The following PRKACB variants were observed in gnomAD, a reference collection of about 807,000 sequenced individuals.
PRKACB encodes cAMP-dependent protein kinase catalytic subunit beta.
PRKACB carries 16 observed loss-of-function variants against 51.4 expected under a neutral mutation model. That is an observed-to-expected ratio of 0.31 (90% CI 0.21 to 0.47). The LOEUF (loss-of-function observed/expected upper bound fraction) is 0.47. Among genes scored for constraint, PRKACB ranks in the 20% least tolerant of loss-of-function variants. The probability of loss-of-function intolerance (pLI) is 1.00; values close to 1 mark genes in which losing one functional copy is unlikely to be tolerated. For synonymous variants in PRKACB, 147 were observed against 154.4 expected (o/e 0.95, Z 0.35); for missense variants, 309 against 464.5 (o/e 0.67, Z 3.08).
upstream of PRKACB, among the ~76,000 whole-genome samples, chr1:84,141,833 G>A (rs919898715): frequency 2.0e-5 from 3 of 152,202 alleles, no homozygotes; most frequent in African/African-American, 7.2e-5. Flanking sequence ...AGGTTAATAT[G>A]TCAGAGAGGT....
intron 1 of PRKACB, among the ~76,000 whole-genome samples, chr1:84,094,524 G>A (rs1648771743): frequency 6.6e-6 from 1 of 151,638 alleles, no homozygotes; most frequent in Admixed American, 6.6e-5. Flanking sequence ...TCAAATATTT[G>A]GGGGTTTTTA....
intron 1 of PRKACB, among the ~76,000 whole-genome samples, chr1:84,127,004 A>G (rs1228863396): frequency 6.6e-6 from 1 of 152,166 alleles, no homozygotes; most frequent in African/African-American, 2.4e-5. Context: ...TCCTGAATCC[A>G]TTCTCTTCCT....
intron 9 of PRKACB, among the ~76,000 whole-genome samples, chr1:84,231,253 G>C (rs989732347): frequency 3.2e-4 from 49 of 152,178 alleles, no homozygotes; most frequent in African/African-American, 1.2e-3. Context: ...AACCAGCCTT[G>C]CATCCCAGGG....
chr1:84,175,110 T>C, intron 1 of PRKACB: 2 of 1,359,400 alleles, frequency 1.5e-6, no homozygotes, highest in Non-Finnish European at 1.9e-6. Context: ...TTTTTATTTA[T>C]TGTTTGCAAG....
At chr1:84,093,513 T>C (rs1648683190) in intron 1 of PRKACB, among the ~76,000 whole-genome samples, 1 of 152,084 alleles carries the variant, frequency 6.6e-6, no homozygotes, top group African/African-American at 2.4e-5. Context: ...TGAATTCATA[T>C]AACTTTATAA....
chr1:84,109,723 A>AT (rs1018171482), intron 1 of PRKACB, among the ~76,000 whole-genome samples: 3 of 151,570 alleles, frequency 2.0e-5, no homozygotes, highest in Admixed American at 6.6e-5. Flanking sequence ...TTTACTTTAA[A>AT]TTTTTTTTAT....
intron 5 of PRKACB, among the ~76,000 whole-genome samples, chr1:84,195,056 G>C (rs527838497): frequency 1.3e-5 from 2 of 152,074 alleles, no homozygotes; most frequent in African/African-American, 4.8e-5. Context: ...GCATGTAAAC[G>C]TGCATTTTAT....
chr1:84,111,361 A>G (rs1650215172), intron 1 of PRKACB, among the ~76,000 whole-genome samples: 4 of 152,134 alleles, frequency 2.6e-5, no homozygotes, highest in Admixed American at 2.6e-4. Flanking sequence ...AATGTTTACT[A>G]AGATCTTACA....
intron 1 of PRKACB, among the ~76,000 whole-genome samples, chr1:84,160,672 A>G (rs894811633): frequency 1.3e-5 from 2 of 150,492 alleles, no homozygotes; most frequent in South Asian, 2.1e-4. Context: ...AACCTGCTTT[A>G]TCTACCTCCA....
intron 8 of PRKACB, among the ~76,000 whole-genome samples, chr1:84,212,929 A>G (rs1239902413): frequency 6.6e-6 from 1 of 152,166 alleles, no homozygotes; most frequent in Non-Finnish European, 1.5e-5. Flanking sequence ...ATGCACAAAT[A>G]CTATAGCATA....
At chr1:84,226,655 T>G (rs1013757248) in intron 9 of PRKACB, among the ~76,000 whole-genome samples, 12 of 152,180 alleles carry the variant, frequency 7.9e-5, no homozygotes, top group Non-Finnish European at 1.5e-5. Flanking sequence ...CATAGGAGAT[T>G]GGCATATCAT....
At chr1:84,120,600 A>T (rs1007515943) in intron 1 of PRKACB, among the ~76,000 whole-genome samples, 2 of 152,108 alleles carry the variant, frequency 1.3e-5, no homozygotes, top group Non-Finnish European at 2.9e-5. Flanking sequence ...GCATTTTAGG[A>T]ATTTCTTAAC....
chr1:84,199,115 G>GCATATATATATATATATA (rs1553181642), intron 7 of PRKACB, among the ~76,000 whole-genome samples: 1,390 of 95,870 alleles, frequency 0.014, 18 homozygotes, highest in Non-Finnish European at 0.024. Context: ...GTATATATAT[G>GCATATATATATATATATA]CATATATATA....
intron 1 of PRKACB, among the ~76,000 whole-genome samples, chr1:84,111,503 G>C (rs1399592590): frequency 6.6e-6 from 1 of 151,906 alleles, no homozygotes; most frequent in East Asian, 1.9e-4. Flanking sequence ...AAGATTTACT[G>C]TACATAATCC....
intron 1 of PRKACB, among the ~76,000 whole-genome samples, chr1:84,083,976 C>T (rs930204455): frequency 6.6e-6 from 1 of 152,128 alleles, no homozygotes; most frequent in African/African-American, 2.4e-5. Flanking sequence ...AGTACCTGCT[C>T]AGGGTGCCCA....
chr1:84,227,003 G>A (rs1191342458), intron 9 of PRKACB, among the ~76,000 whole-genome samples: 1 of 151,612 alleles, frequency 6.6e-6, no homozygotes, highest in Non-Finnish European at 1.5e-5. Context: ...TCACTTTCCT[G>A]GAATGAATAC....
intron 1 of PRKACB, among the ~76,000 whole-genome samples, chr1:84,159,727 G>T (rs1452610206): frequency 1.3e-5 from 2 of 152,034 alleles, no homozygotes; most frequent in Middle Eastern, 3.2e-3. Context: ...AGTTTCCCCT[G>T]CCCCACATGT....
intron 1 of PRKACB, among the ~76,000 whole-genome samples, chr1:84,145,551 T>C (rs966445289): frequency 6.6e-6 from 1 of 152,144 alleles, no homozygotes; most frequent in Non-Finnish European, 1.5e-5. Flanking sequence ...TATAGAAGCT[T>C]ATTTGAATTA....
chr1:84,235,174 T>C lies in PRKACB; in HGVS notation c.1072-6T>C, dbSNP rs1676539618. On this transcript the variant is annotated splice_region_variant and splice_polypyrimidine_tract_variant and intron_variant, in intron 9 of 9. Coordinates refer to ENST00000370685, the MANE Select transcript of PRKACB (RefSeq NM_182948.4). ...TTTCTTATTTTTCTCTCCCTCTCAATTATAGGTTGAAGCTCCATTCATACC... is the reference window on the plus strand; with the variant it reads ...TTTCTTATTTTTCTCTCCCTCTCAACTATAGGTTGAAGCTCCATTCATACC... 2 of 1,602,974 alleles carry C rather than the reference T, an allele frequency of 1.2e-6. No individual in the cohort carries two copies. The highest frequency in any genetic ancestry group is 1.7e-6 in the Non-Finnish European group (2 of 1,177,180).
Sources: gnomAD v4.1 joint callset for allele counts (sites outside exome capture counted in the v4.1 genomes callset) on GRCh38, gnomAD v4.1.1 for gene constraint, MANE v1.5 for transcripts, NCBI Gene and HGNC (gene_info 2026-07-23, HGNC 2026-07-21) for gene names.